Variants in ATRNL1 observed in about 807,000 individuals in gnomAD.
The protein encoded by ATRNL1 is attractin like 1.
A neutral mutation model predicts 182.7 loss-of-function variants in ATRNL1; 95 were observed. The observed-to-expected ratio is 0.52, with a 90% CI of 0.44 to 0.62. The LOEUF (loss-of-function observed/expected upper bound fraction) is 0.62, where lower values mean the gene tolerates loss of function less well. Among genes scored for constraint, ATRNL1 ranks in the 20% least tolerant of loss-of-function variants. The pLI is 0.00. For synonymous variants in ATRNL1, 576 were observed against 568.3 expected, an observed-to-expected ratio of 1.01 and a Z score of -0.19; for missense variants, 1,471 against 1,679.5, an observed-to-expected ratio of 0.88 and a Z score of 2.17.
At chr10:115,378,948 T>C (rs1857829859) in intron 19 of ATRNL1, among the ~76,000 whole-genome samples, 2 of 152,200 alleles carry the variant, frequency 1.3e-5, no homozygotes, top group South Asian at 2.1e-4. Flanking sequence ...AATAATGATA[T>C]AGCAAGGGAT....
chr10:115,165,502 T>C lies in ATRNL1; in HGVS notation c.1005-56T>C, dbSNP rs925408813. The C allele has an allele frequency of 3.7e-6, 4 of 1,093,446 alleles. No individual in the cohort carries two copies. The African/African-American group carries it at 6.4e-5, about 17-fold the overall frequency. 67.7% of individuals were successfully genotyped at this position (1,093,446 alleles called of 1,614,324 possible). The stretch of plus-strand genomic sequence containing the variant: ...AAGTGAATAAAAAGCACGTGAAAAT[T>C]AAAAAAACAAAAATGAATCTTAGCT... On this transcript the variant is annotated intron_variant, in intron 6 of 28. Transcript: ENST00000355044.
chr10:115,429,996 G>A (rs1314646667), intron 21 of ATRNL1, among the ~76,000 whole-genome samples: 11 of 152,168 alleles, frequency 7.2e-5, no homozygotes, highest in Admixed American at 7.2e-4. Flanking sequence ...TCATGAACCC[G>A]GGAGGCGGAG....
chr10:115,812,839 T>C (rs1950078149), intron 27 of ATRNL1, among the ~76,000 whole-genome samples: 1 of 152,066 alleles, frequency 6.6e-6, no homozygotes, highest in Non-Finnish European at 1.5e-5. Context: ...TCAGTAAAAT[T>C]GTATTCCTCT....
At position 115,315,692 on chromosome 10, in the gene ATRNL1, G is replaced by T. The variant is rs1554929423; in HGVS notation, c.2993G>T (p.Cys998Phe). ...GAGATGGTTCTTGACACCAATCTTT[G>T]CCCCAAAGAAAAGAACTATGAGTGG... ...HSEMVLDTNL[C>F]PKEKNYEWSF... is the part of the protein sequence containing the mutation. The change falls in exon 18 of 29, where the codon TGC becomes TTC. Residue 998 changes from cysteine to phenylalanine, a missense_variant. Transcript: ENST00000355044. 1 of 1,613,672 alleles carries T rather than the reference G, an allele frequency of 6.2e-7. No homozygotes were observed. Among genetic ancestry groups the T allele is most frequent in the South Asian group, 1.1e-5 (1 of 91,054 alleles).
chr10:115,515,011 TG>T (rs1219733308), intron 24 of ATRNL1, among the ~76,000 whole-genome samples: 4 of 151,896 alleles, frequency 2.6e-5, no homozygotes, highest in African/African-American at 9.7e-5. Flanking sequence ...TGGTTGCTTT[TG>T]AAAGTTCATG....
chr10:115,347,506 CT>C (rs1241426198), intron 19 of ATRNL1, among the ~76,000 whole-genome samples: 1 of 151,946 alleles, frequency 6.6e-6, no homozygotes, highest in Admixed American at 6.6e-5. Context: ...TTTTAGTTCA[CT>C]TTATTGGGAA....
At chr10:115,453,913 A>C (rs1207312237) in intron 21 of ATRNL1, among the ~76,000 whole-genome samples, 13 of 152,024 alleles carry the variant, frequency 8.6e-5, no homozygotes, top group African/African-American at 2.9e-4. Context: ...TAACCTGCAC[A>C]TTGTGCACAT....
At chr10:115,836,664 G>A (rs531645613) in intron 27 of ATRNL1, among the ~76,000 whole-genome samples, 1 of 152,242 alleles carries the variant, frequency 6.6e-6, no homozygotes, top group East Asian at 1.9e-4. Context: ...TCAAAAGTAG[G>A]GCAGGCCTAC....
chr10:115,580,877 T>C (rs11817708), intron 26 of ATRNL1, among the ~76,000 whole-genome samples: 3,409 of 152,224 alleles, frequency 0.022, 119 homozygotes, highest in African/African-American at 0.078. Flanking sequence ...TCTTCAACTC[T>C]ATGATTTCTG....
At chr10:115,461,368 A>G (rs899531133) in intron 21 of ATRNL1, among the ~76,000 whole-genome samples, 1 of 152,084 alleles carries the variant, frequency 6.6e-6, no homozygotes, top group African/African-American at 2.4e-5. Flanking sequence ...TCCTTGTATC[A>G]TTGTGAATAA....
chr10:115,674,450 G>A (rs1758268402), intron 26 of ATRNL1, among the ~76,000 whole-genome samples: 1 of 151,982 alleles, frequency 6.6e-6, no homozygotes, highest in African/African-American at 2.4e-5. Context: ...GCCTATTCTT[G>A]AATAATATAC....
At chr10:115,765,624 A>AATG (rs1948838677) in intron 27 of ATRNL1, among the ~76,000 whole-genome samples, 1 of 152,234 alleles carries the variant, frequency 6.6e-6, no homozygotes, top group Non-Finnish European at 1.5e-5. Flanking sequence ...TTCACAGAGC[A>AATG]TAAGTCTTCA....
intron 14 of ATRNL1, among the ~76,000 whole-genome samples, chr10:115,283,974 C>T (rs967497846): frequency 2.0e-5 from 3 of 152,124 alleles, no homozygotes; most frequent in Non-Finnish European, 4.4e-5. Context: ...GGTTATATAT[C>T]GTTTGATTTC....
chr10:115,809,356 C>CA (rs1565398270), intron 27 of ATRNL1, among the ~76,000 whole-genome samples: 1 of 151,772 alleles, frequency 6.6e-6, no homozygotes, highest in Non-Finnish European at 1.5e-5. Flanking sequence ...TTCAATTTAT[C>CA]AAAAAAATCA....
intron 6 of ATRNL1, among the ~76,000 whole-genome samples, chr10:115,161,822 C>T (rs558186979): frequency 6.6e-6 from 1 of 151,824 alleles, no homozygotes; most frequent in South Asian, 2.1e-4. Context: ...GAATGTAGTT[C>T]AATTGTAGGT....
At chr10:115,682,805 T>C (rs1946092945) in intron 26 of ATRNL1, among the ~76,000 whole-genome samples, 1 of 152,112 alleles carries the variant, frequency 6.6e-6, no homozygotes, top group Non-Finnish European at 1.5e-5. Flanking sequence ...TCTTAGAAGC[T>C]GTAGACCTCT....
chr10:115,674,885 C>A (rs941408361), intron 26 of ATRNL1, among the ~76,000 whole-genome samples: 4 of 152,062 alleles, frequency 2.6e-5, no homozygotes, highest in African/African-American at 9.7e-5. Context: ...TTCAACCCAG[C>A]CTTTATAACC....
intron 24 of ATRNL1, among the ~76,000 whole-genome samples, chr10:115,471,707 A>T (rs1848321608): frequency 6.6e-6 from 1 of 150,830 alleles, no homozygotes; most frequent in Non-Finnish European, 1.5e-5. Context: ...TTTTCTTGCT[A>T]TTGCGTTTCA....
intron 8 of ATRNL1, among the ~76,000 whole-genome samples, chr10:115,190,519 A>G (rs1554889626): frequency 6.6e-6 from 1 of 152,030 alleles, no homozygotes; most frequent in South Asian, 2.1e-4. Flanking sequence ...CATTTTATTT[A>G]TTTGGAAGAA....
Sources: allele counts gnomAD v4.1 joint callset (sites outside exome capture counted in the v4.1 genomes callset), GRCh38; gene constraint gnomAD v4.1.1; transcripts MANE v1.5; gene names NCBI Gene and HGNC (gene_info 2026-07-23, HGNC 2026-07-21).